SAMD5: variants seen among roughly 807,000 people sequenced by gnomAD.
SAMD5 encodes the protein sterile alpha motif domain containing 5.
Under a neutral mutation model 11.3 loss-of-function variants are expected in SAMD5, and 13 were observed. That is an observed-to-expected ratio of 1.15 (90% CI 0.75 to 1.83). The LOEUF is 1.83. Ranked by LOEUF, SAMD5 falls within the 40% of genes most tolerant of loss-of-function variation. The probability of loss-of-function intolerance (pLI) is 0.00; values close to 1 mark genes in which losing one functional copy is unlikely to be tolerated. For missense variants in SAMD5, 255 were observed against 239.1 expected (o/e 1.07, Z -0.44); for synonymous variants, 129 against 111.3 (o/e 1.16, Z -1.00).
intron 1 of SAMD5, among the ~76,000 whole-genome samples, chr6:147,547,436 C>T (rs1314756141): frequency 6.6e-6 from 1 of 151,466 alleles, no homozygotes; most frequent in East Asian, 2.0e-4. Flanking sequence ...CAGCTACAGA[C>T]AGGAGGTTCC....
the SAMD5 span, among the ~76,000 whole-genome samples, chr6:147,935,327 G>A: frequency 6.6e-6 from 1 of 152,146 alleles, no homozygotes; most frequent in Non-Finnish European, 1.5e-5. Context: ...GAAGCTTAAA[G>A]GGGTTAATAG....
At chr6:147,543,890 C>T (rs887779476) in intron 1 of SAMD5, among the ~76,000 whole-genome samples, 28 of 152,020 alleles carry the variant, frequency 1.8e-4, no homozygotes, top group Non-Finnish European at 4.0e-4. Context: ...GACAAGCAGA[C>T]GTGTAGCGTG....
At chr6:147,746,979 G>A in the SAMD5 span, among the ~76,000 whole-genome samples, 228 of 152,246 alleles carry the variant, frequency 1.5e-3, no homozygotes, top group Non-Finnish European at 2.8e-3. Flanking sequence ...CAATCTACCC[G>A]TGAGGACCAT....
At chr6:147,835,215 AGAGT>A in the SAMD5 span, among the ~76,000 whole-genome samples, 1 of 144,182 alleles carries the variant, frequency 6.9e-6, no homozygotes, top group Non-Finnish European at 1.5e-5. Flanking sequence ...CCTGGGTGAC[AGAGT>A]GAGACTCCAT....
In SAMD5 at chr6:147,645,885, C is replaced by A. The variant is rs73787349; in HGVS notation, c.163-91432C>A. 2.0e-5 allele frequency among the ~76,000 whole-genome samples: 3 copies of A among 152,246 alleles called. No homozygotes were observed. The South Asian group carries it at 6.2e-4, about 32-fold the overall frequency. The stretch of plus-strand genomic sequence containing the variant: ...TTTGCCATCTAATGAAATACATCCA[C>A]GGGCCGGAACTGGCTCTCGGATCAT... On this transcript the variant is annotated intron_variant, in intron 1 of 1. Transcript: ENST00000566741.
At chr6:147,674,289 A>G (rs1026227210) in intron 1 of SAMD5, among the ~76,000 whole-genome samples, 1 of 152,120 alleles carries the variant, frequency 6.6e-6, no homozygotes, top group Non-Finnish European at 1.5e-5. Context: ...TGGTCACAGA[A>G]GCATGTGCCT....
At chr6:147,576,142 CTT>C (rs34576408) in intron 1 of SAMD5, among the ~76,000 whole-genome samples, 6 of 141,470 alleles carry the variant, frequency 4.2e-5, no homozygotes, top group Non-Finnish European at 3.1e-5. Flanking sequence ...ATATTTTAAA[CTT>C]TTTTTTTTTT....
chr6:147,764,955 A>G, the SAMD5 span, among the ~76,000 whole-genome samples: 1 of 151,962 alleles, frequency 6.6e-6, no homozygotes, highest in Non-Finnish European at 1.5e-5. Flanking sequence ...TTTTCACAGA[A>G]TAATAACATT....
At chr6:147,899,170 C>CA in the SAMD5 span, among the ~76,000 whole-genome samples, 827 of 62,260 alleles carry the variant, frequency 0.013, 30 homozygotes, top group African/African-American at 0.044. Flanking sequence ...GACTCTGTCT[C>CA]AAAAAAAAAA....
the SAMD5 span, among the ~76,000 whole-genome samples, chr6:147,880,475 G>A: frequency 2.0e-5 from 3 of 152,146 alleles, no homozygotes; most frequent in Non-Finnish European, 2.9e-5. Flanking sequence ...CTTCACACTC[G>A]ATTGGTAGAG....
At chr6:147,871,516 CAAAAT>C in the SAMD5 span, among the ~76,000 whole-genome samples, 6 of 151,948 alleles carry the variant, frequency 3.9e-5, no homozygotes, top group South Asian at 2.1e-4. Context: ...GGCAGAGCCT[CAAAAT>C]AAAAGAAGTA....
At chr6:147,535,680 C>G (rs1329470629) in intron 1 of SAMD5, among the ~76,000 whole-genome samples, 2 of 152,122 alleles carry the variant, frequency 1.3e-5, no homozygotes, top group African/African-American at 2.4e-5. Context: ...TTTGATAGAA[C>G]TTTATTCTAT....
At chr6:147,547,427 A>C (rs905849901) in intron 1 of SAMD5, among the ~76,000 whole-genome samples, 2 of 152,188 alleles carry the variant, frequency 1.3e-5, no homozygotes, top group Non-Finnish European at 2.9e-5. Flanking sequence ...AATTCCTTGC[A>C]GCTACAGACA....
intron 1 of SAMD5, among the ~76,000 whole-genome samples, chr6:147,677,038 T>C (rs1459414040): frequency 6.6e-6 from 1 of 152,198 alleles, no homozygotes; most frequent in Non-Finnish European, 1.5e-5. Flanking sequence ...AGTGGCTCTT[T>C]TCCTGATTTT....
rs1789047390 is a variant in SAMD5 at position 147,566,679 on chromosome 6, T to C, written c.*2223T>C. On this transcript the variant is annotated 3_prime_UTR_variant, in exon 2 of 2. Coordinates refer to ENST00000367474, the MANE Select transcript of SAMD5 (RefSeq NM_001030060.3). ...GGTTAGAATTTGAAAATAACAATGCTCTGCTTAAAGTAAGAGTCACAGTCA... is the reference window on the plus strand; with the variant it reads ...GGTTAGAATTTGAAAATAACAATGCCCTGCTTAAAGTAAGAGTCACAGTCA... The C allele has an allele frequency of 1.0e-6, 1 of 984,408 alleles. No individual in the cohort carries two copies. The highest frequency in any genetic ancestry group is 6.2e-5 in the Admixed American group (1 of 16,258). 61.0% of individuals were successfully genotyped at this position (984,408 alleles called of 1,614,324 possible). A position where few individuals can be genotyped will look rare whatever the true frequency, so the allele number is the denominator to read the frequency against.
the SAMD5 span, among the ~76,000 whole-genome samples, chr6:147,899,319 T>C: frequency 6.6e-6 from 1 of 152,060 alleles, no homozygotes; most frequent in Admixed American, 6.5e-5. Flanking sequence ...ACATAGGAGT[T>C]GTGAGGCTTG....
chr6:147,621,307 G>C (rs1221193648), intron 1 of SAMD5, among the ~76,000 whole-genome samples: 1 of 152,202 alleles, frequency 6.6e-6, no homozygotes, highest in East Asian at 1.9e-4. Context: ...AGGTTGGACA[G>C]ATGCCGGAGG....
At chr6:147,520,040 T>C (rs1425907341) in intron 1 of SAMD5, among the ~76,000 whole-genome samples, 1 of 152,188 alleles carries the variant, frequency 6.6e-6, no homozygotes, top group Non-Finnish European at 1.5e-5. Flanking sequence ...CCAATGACTG[T>C]CTCACAGAGC....
At chr6:147,782,806 T>C in the SAMD5 span, among the ~76,000 whole-genome samples, 1 of 152,210 alleles carries the variant, frequency 6.6e-6, no homozygotes, top group East Asian at 1.9e-4. Flanking sequence ...CACAAAATGG[T>C]CCCTTACTGA....
Sources: allele counts gnomAD v4.1 joint callset (sites outside exome capture counted in the v4.1 genomes callset), GRCh38; gene constraint gnomAD v4.1.1; transcripts MANE v1.5; gene names NCBI Gene and HGNC (gene_info 2026-07-23, HGNC 2026-07-21).